Variants in ZZZ3 observed in about 807,000 individuals in gnomAD.
The protein encoded by ZZZ3 is zinc finger ZZ-type containing 3, also known as ZZ-type zinc finger-containing protein 3.
In ZZZ3, 22 loss-of-function variants were observed where a neutral mutation model predicts 95.2. That is an observed-to-expected ratio of 0.23 (90% CI 0.17 to 0.33). The LOEUF is 0.33. Ranked by LOEUF, ZZZ3 falls within the 10% of genes least tolerant of loss-of-function variation. The pLI, the probability that ZZZ3 is intolerant of heterozygous loss-of-function variation, is 1.00. For synonymous variants in ZZZ3, 335 were observed against 358.9 expected (o/e 0.93, Z 0.75); for missense variants, 885 against 1,066.5 (o/e 0.83, Z 2.37).
intron 5 of ZZZ3, among the ~76,000 whole-genome samples, chr1:77,615,592 G>A (rs1327111423): frequency 6.6e-6 from 1 of 152,072 alleles, no homozygotes; most frequent in Non-Finnish European, 1.5e-5. Flanking sequence ...AAGGACATAA[G>A]TTTCACTACT....
intron 1 of ZZZ3, among the ~76,000 whole-genome samples, chr1:77,654,310 AT>A (rs1300795458): frequency 1.3e-5 from 2 of 152,170 alleles, no homozygotes; most frequent in African/African-American, 2.4e-5. Flanking sequence ...AAGGAAAAAA[AT>A]AATCCTAATT....
chr1:77,638,671 T>C (rs1318785862), intron 4 of ZZZ3, among the ~76,000 whole-genome samples: 1 of 152,194 alleles, frequency 6.6e-6, no homozygotes, highest in African/African-American at 2.4e-5. Flanking sequence ...TATTTAGTTT[T>C]ATTAAGTGAA....
At chr1:77,607,983 T>C (rs1450435520) in intron 5 of ZZZ3, among the ~76,000 whole-genome samples, 1 of 144,146 alleles carries the variant, frequency 6.9e-6, no homozygotes, top group Non-Finnish European at 1.5e-5. Context: ...AACAAAAGAA[T>C]ACAAAACAAT....
chr1:77,606,048 A>G (rs893000332), intron 5 of ZZZ3, among the ~76,000 whole-genome samples: 2 of 152,214 alleles, frequency 1.3e-5, no homozygotes, highest in East Asian at 1.9e-4. Context: ...GGGGTCCCCA[A>G]TTCCAGGCCT....
chr1:77,679,104 C>A (rs1672520230), intron 1 of ZZZ3, among the ~76,000 whole-genome samples: 1 of 152,022 alleles, frequency 6.6e-6, no homozygotes, highest in South Asian at 2.1e-4. Flanking sequence ...ACAAAATAAT[C>A]AAGACTTTGG....
chr1:77,566,395 G>A (rs1381979631), intron 13 of ZZZ3, among the ~76,000 whole-genome samples: 1 of 152,146 alleles, frequency 6.6e-6, no homozygotes, highest in Non-Finnish European at 1.5e-5. Flanking sequence ...ATGGGTGAGT[G>A]AGAGGAACAT....
At chr1:77,645,976 A>G (rs547970598) in intron 1 of ZZZ3, among the ~76,000 whole-genome samples, 2 of 152,138 alleles carry the variant, frequency 1.3e-5, no homozygotes, top group African/African-American at 4.8e-5. Flanking sequence ...ATCTCAAAAA[A>G]AAAAAAAAAA....
chr1:77,680,088 T>C (rs1672613172), intron 1 of ZZZ3, among the ~76,000 whole-genome samples: 2 of 152,222 alleles, frequency 1.3e-5, no homozygotes, highest in South Asian at 4.1e-4. Flanking sequence ...TTTCACAATT[T>C]CCCACTTCTA....
At chr1:77,665,509 C>T (rs1305003561) in intron 1 of ZZZ3, among the ~76,000 whole-genome samples, 3 of 152,162 alleles carry the variant, frequency 2.0e-5, no homozygotes. Flanking sequence ...TGGTTTAAAA[C>T]TATCCTAAAT....
chr1:77,681,026 C>T (rs1181847635), intron 1 of ZZZ3, among the ~76,000 whole-genome samples: 2 of 152,030 alleles, frequency 1.3e-5, no homozygotes, highest in Non-Finnish European at 2.9e-5. Flanking sequence ...AGTATGCATA[C>T]GTAAGTCTTG....
At chr1:77,676,114 T>A (rs374491767) in intron 1 of ZZZ3, among the ~76,000 whole-genome samples, 1 of 152,186 alleles carries the variant, frequency 6.6e-6, no homozygotes, top group South Asian at 2.1e-4. Flanking sequence ...TTTCTCTAAT[T>A]CCCCAAAATC....
At chr1:77,567,905 C>G (rs1007235662) in intron 13 of ZZZ3, among the ~76,000 whole-genome samples, 1 of 152,164 alleles carries the variant, frequency 6.6e-6, no homozygotes, top group Non-Finnish European at 1.5e-5. Flanking sequence ...GTATGTCTGT[C>G]TTCACTCTAC....
chr1:77,661,698 G>A (rs912209126), intron 1 of ZZZ3, among the ~76,000 whole-genome samples: 1 of 152,144 alleles, frequency 6.6e-6, no homozygotes, highest in Non-Finnish European at 1.5e-5. Context: ...ATCAGATTAT[G>A]GAATGTCTGG....
chr1:77,626,086 T>C (rs1667310073), intron 5 of ZZZ3, among the ~76,000 whole-genome samples: 1 of 152,182 alleles, frequency 6.6e-6, no homozygotes, highest in Admixed American at 6.5e-5. Flanking sequence ...AGATACCATC[T>C]ACAGTAGTTG....
intron 1 of ZZZ3, among the ~76,000 whole-genome samples, chr1:77,649,744 T>TGG (rs1474016135): frequency 6.6e-6 from 1 of 151,822 alleles, no homozygotes; most frequent in Non-Finnish European, 1.5e-5. Flanking sequence ...TAGCCGGGTA[T>TGG]GGTGGCGCAT....
chr1:77,649,824 G>C (rs1406942516), intron 1 of ZZZ3, among the ~76,000 whole-genome samples: 1 of 151,172 alleles, frequency 6.6e-6, no homozygotes, highest in Non-Finnish European at 1.5e-5. Flanking sequence ...AGTGAGCCGA[G>C]ATTGCGCCAT....
chr1:77,652,405 C>T (rs1669890912), intron 1 of ZZZ3, among the ~76,000 whole-genome samples: 2 of 152,184 alleles, frequency 1.3e-5, no homozygotes, highest in Non-Finnish European at 2.9e-5. Flanking sequence ...AGATACTTCA[C>T]ACCCACTAGT....
intron 5 of ZZZ3, among the ~76,000 whole-genome samples, chr1:77,594,416 ATTT>A (rs558162602): frequency 6.6e-6 from 1 of 152,044 alleles, no homozygotes; most frequent in Non-Finnish European, 1.5e-5. Context: ...ATATTGTGTG[ATTT>A]TTTAAGAGGA....
At chr1:77,577,419 T>A (rs961698942) in intron 11 of ZZZ3, among the ~76,000 whole-genome samples, 2 of 151,754 alleles carry the variant, frequency 1.3e-5, no homozygotes, top group African/African-American at 4.8e-5. Flanking sequence ...AGTTATAGGA[T>A]GAACTCTACA....
Sources: allele counts gnomAD v4.1 joint callset (sites outside exome capture counted in the v4.1 genomes callset), GRCh38; gene constraint gnomAD v4.1.1; transcripts MANE v1.5; gene names NCBI Gene and HGNC (gene_info 2026-07-23, HGNC 2026-07-21).